The following MAPK8 variants were observed in gnomAD, a reference collection of about 807,000 sequenced individuals.
The protein encoded by MAPK8 is mitogen-activated protein kinase 8.
Under a neutral mutation model 52.9 loss-of-function variants are expected in MAPK8, and 13 were observed. That is an observed-to-expected ratio of 0.25 (90% CI 0.16 to 0.39). The LOEUF is 0.39. Among genes scored for constraint, MAPK8 ranks in the 10% least tolerant of loss-of-function variants. MAPK8 has a pLI of 1.00. For missense variants in MAPK8, 300 were observed against 519.2 expected, an observed-to-expected ratio of 0.58 and a Z score of 4.10; for synonymous variants, 191 against 169.8, an observed-to-expected ratio of 1.12 and a Z score of -0.97.
chr10:48,329,212 A>G (rs1020436148), intron 1 of MAPK8, among the ~76,000 whole-genome samples: 9 of 152,170 alleles, frequency 5.9e-5, no homozygotes, highest in African/African-American at 2.2e-4. Context: ...ACTCCTAGCC[A>G]CTGCTTTGTG....
rs188465959 is a variant in MAPK8 at position 48,350,541 on chromosome 10, A to G, written c.-50+43720A>G. On this transcript the variant is annotated intron_variant, in intron 1 of 11. Coordinates refer to ENST00000374189, the MANE Select transcript of MAPK8 (RefSeq NM_001323329.2). ...ACCACATGATTATCTCAATAGATGCAGAAAAGGCCTTTGACAAAATTCAAT... is the reference window on the plus strand; with the variant it reads ...ACCACATGATTATCTCAATAGATGCGGAAAAGGCCTTTGACAAAATTCAAT... Among the ~76,000 whole-genome samples the G allele has an allele frequency of 5.2e-5, 8 of 152,386 alleles. No individual in the cohort carries two copies. In the South Asian group the frequency reaches 1.4e-3, roughly 28 times the overall value.
intron 1 of MAPK8, among the ~76,000 whole-genome samples, chr10:48,391,673 C>T (rs976581575): frequency 9.9e-5 from 15 of 152,264 alleles, no homozygotes; most frequent in African/African-American, 3.6e-4. Flanking sequence ...TCTTCCAATT[C>T]CATTCTGACA....
At chr10:48,387,573 T>C (rs2041390099) in intron 1 of MAPK8, among the ~76,000 whole-genome samples, 1 of 152,198 alleles carries the variant, frequency 6.6e-6, no homozygotes, top group Non-Finnish European at 1.5e-5. Context: ...GGTAGTGACA[T>C]TTTATTATAC....
At chr10:48,348,409 A>G (rs1845992851) in intron 1 of MAPK8, among the ~76,000 whole-genome samples, 1 of 152,042 alleles carries the variant, frequency 6.6e-6, no homozygotes, top group Non-Finnish European at 1.5e-5. Context: ...CCATTTGTCA[A>G]TTTTGGTTTT....
chr10:48,371,942 C>A (rs1419801380), intron 1 of MAPK8, among the ~76,000 whole-genome samples: 3 of 152,024 alleles, frequency 2.0e-5, no homozygotes, highest in Admixed American at 6.6e-5. Context: ...GATGAACAGA[C>A]AAGATGCATA....
chr10:48,427,487 GTTTA>G, intron 10 of MAPK8: 1 of 164,426 alleles, frequency 6.1e-6, no homozygotes, highest in South Asian at 1.6e-4. Flanking sequence ...TACTTGCTTT[GTTTA>G]TTTATTATAT....
At chr10:48,420,561 T>G (rs1445049541) in intron 6 of MAPK8, among the ~76,000 whole-genome samples, 1 of 152,216 alleles carries the variant, frequency 6.6e-6, no homozygotes, top group East Asian at 1.9e-4. Flanking sequence ...ATGAAGAATT[T>G]GTTGCCGTGG....
intron 3 of MAPK8, among the ~76,000 whole-genome samples, chr10:48,406,597 A>T (rs2042484378): frequency 6.6e-6 from 1 of 152,208 alleles, no homozygotes; most frequent in South Asian, 2.1e-4. Flanking sequence ...GTGAGTGAGT[A>T]TAAAGCTAAA....
At chr10:48,323,086 C>A (rs1309930571) in intron 1 of MAPK8, among the ~76,000 whole-genome samples, 1 of 151,784 alleles carries the variant, frequency 6.6e-6, no homozygotes, top group Non-Finnish European at 1.5e-5. Flanking sequence ...ATTTTGGGTA[C>A]CAGTTTCTAC....
chr10:48,417,456 C>T (rs902265759), intron 5 of MAPK8, among the ~76,000 whole-genome samples: 31 of 152,246 alleles, frequency 2.0e-4, no homozygotes, highest in African/African-American at 6.5e-4. Context: ...TGCATAGAAA[C>T]CAACCCAAGA....
At position 48,371,782 on chromosome 10, in the gene MAPK8, G is replaced by A. The variant is rs575249567; in HGVS notation, c.-49-29830G>A. Among the ~76,000 whole-genome samples the A allele has an allele frequency of 3.9e-5, 6 of 152,230 alleles. No individual in the cohort carries two copies. The South Asian group carries it at 6.2e-4, about 16-fold the overall frequency. On this transcript the variant is annotated intron_variant, in intron 1 of 11. Coordinates refer to ENST00000374189, the MANE Select transcript of MAPK8 (RefSeq NM_001323329.2). ...AGTCACAGGCATAAGTTGTAGCCTT[G>A]TGTCTGACTGAATAGCTATAAATTG...
At chr10:48,330,750 C>T (rs571428184) in intron 1 of MAPK8, among the ~76,000 whole-genome samples, 36 of 152,278 alleles carry the variant, frequency 2.4e-4, no homozygotes, top group African/African-American at 5.1e-4. Context: ...TCTTCCCGGA[C>T]GTTGCCTAAG....
At chr10:48,393,161 G>C (rs1412550990) in intron 1 of MAPK8, among the ~76,000 whole-genome samples, 1 of 151,776 alleles carries the variant, frequency 6.6e-6, no homozygotes, top group Non-Finnish European at 1.5e-5. Flanking sequence ...TGAATAACTT[G>C]TCTCTCATTG....
chr10:48,357,050 G>A (rs1310403638), intron 1 of MAPK8, among the ~76,000 whole-genome samples: 1 of 152,010 alleles, frequency 6.6e-6, no homozygotes, highest in African/African-American at 2.4e-5. Flanking sequence ...AAATACGATT[G>A]TAAATTCCAC....
At chr10:48,431,094 G>C (rs779834204) in intron 10 of MAPK8, 99 bp from the exon 11 acceptor site, 44 of 723,234 alleles carry the variant, frequency 6.1e-5, no homozygotes, top group Non-Finnish European at 1.0e-4. Context: ...ACTGTTTGAA[G>C]TACTTCACAT....
At chr10:48,337,053 G>A (rs896860320) in intron 1 of MAPK8, among the ~76,000 whole-genome samples, 1 of 152,140 alleles carries the variant, frequency 6.6e-6, no homozygotes, top group Non-Finnish European at 1.5e-5. Context: ...CCCACTGACA[G>A]CACTGGACAG....
At chr10:48,350,795 G>T (rs912449738) in intron 1 of MAPK8, among the ~76,000 whole-genome samples, 3 of 152,170 alleles carry the variant, frequency 2.0e-5, no homozygotes, top group African/African-American at 7.2e-5. Flanking sequence ...ATAAATAAGG[G>T]TTATTCAAAT....
intron 1 of MAPK8, among the ~76,000 whole-genome samples, chr10:48,317,397 T>TCA (rs149008469): frequency 3.3e-5 from 3 of 91,144 alleles, no homozygotes; most frequent in Non-Finnish European, 7.8e-5. Context: ...ACTCCTGGCC[T>TCA]CGTGATCTTA....
chr10:48,372,382 T>C (rs1195775900), intron 1 of MAPK8, among the ~76,000 whole-genome samples: 1 of 152,044 alleles, frequency 6.6e-6, no homozygotes, highest in Non-Finnish European at 1.5e-5. Flanking sequence ...GTTTGACGGA[T>C]TGACAGAAGT....
Sources: gnomAD v4.1 joint callset for allele counts (sites outside exome capture counted in the v4.1 genomes callset) on GRCh38, gnomAD v4.1.1 for gene constraint, MANE v1.5 for transcripts, NCBI Gene and HGNC (gene_info 2026-07-23, HGNC 2026-07-21) for gene names.